Variants in CSMD3 observed in about 807,000 individuals in gnomAD.
CSMD3 encodes the protein CUB and Sushi multiple domains 3, also known as CUB and sushi domain-containing protein 3.
A neutral mutation model predicts 435.2 loss-of-function variants in CSMD3; 177 were observed. The ratio of observed to expected loss-of-function variants is 0.41; its 90% CI spans 0.36 to 0.46. The LOEUF (loss-of-function observed/expected upper bound fraction) is 0.46. Among genes scored for constraint, CSMD3 ranks in the 20% least tolerant of loss-of-function variants. The pLI is 0.34. For missense variants in CSMD3, 4,265 were observed against 4,504.6 expected, an observed-to-expected ratio of 0.95 and a Z score of 1.52; for synonymous variants, 1,656 against 1,520.5, an observed-to-expected ratio of 1.09 and a Z score of -2.07.
At chr8:112,825,160 C>A (rs964369435) in intron 12 of CSMD3, among the ~76,000 whole-genome samples, 3 of 152,136 alleles carry the variant, frequency 2.0e-5, no homozygotes, top group Non-Finnish European at 2.9e-5. Context: ...TCCATCAGGT[C>A]ATTTATATTT....
chr8:112,972,290 A>T (rs2084686773), intron 7 of CSMD3, among the ~76,000 whole-genome samples: 1 of 151,984 alleles, frequency 6.6e-6, no homozygotes, highest in Non-Finnish European at 1.5e-5. Context: ...AATAGCATGA[A>T]CTTGCAGACA....
chr8:113,309,542 T>C (rs1368772357), intron 2 of CSMD3: 1 of 152,218 alleles, frequency 6.6e-6, no homozygotes, highest in Non-Finnish European at 1.5e-5. Flanking sequence ...ACACTTACAC[T>C]TACATTTGAT....
At chr8:113,389,152 C>T (rs1010560093) in intron 1 of CSMD3, among the ~76,000 whole-genome samples, 12 of 151,516 alleles carry the variant, frequency 7.9e-5, no homozygotes, top group African/African-American at 1.7e-4. Context: ...GTGGCTAATT[C>T]CCACTGTTAA....
In CSMD3 at chr8:113,111,359, C is replaced by G. The variant is rs115882317; in HGVS notation, c.710-12396G>C. 8.6e-3 allele frequency among the ~76,000 whole-genome samples: 1,311 copies of G among 152,200 alleles called. 16 individuals are homozygous for G. Among genetic ancestry groups the G allele is most frequent in the African/African-American group, 0.03 (1,243 of 41,510 alleles). ...TTATTTATCATTTTTGGAGATGAGA[C>G]ATTTGAAATTTACTATGACTTATTT... On this transcript the variant is annotated intron_variant, in intron 4 of 70. Transcript: ENST00000297405.
chr8:112,646,519 T>C (rs760196047), intron 19 of CSMD3, among the ~76,000 whole-genome samples: 1 of 152,132 alleles, frequency 6.6e-6, no homozygotes, highest in African/African-American at 2.4e-5. Context: ...TTCTTGGGAA[T>C]TTTTTTGTCT....
At chr8:112,452,488 C>A (rs1022637169) in intron 32 of CSMD3, among the ~76,000 whole-genome samples, 1 of 152,044 alleles carries the variant, frequency 6.6e-6, no homozygotes, top group African/African-American at 2.4e-5. Flanking sequence ...TAGTAAAGTT[C>A]TGTGATTAAG....
intron 28 of CSMD3, among the ~76,000 whole-genome samples, chr8:112,511,759 C>A (rs1823169006): frequency 6.6e-6 from 1 of 152,088 alleles, no homozygotes; most frequent in African/African-American, 2.4e-5. Flanking sequence ...GCATGTGATG[C>A]TATTTGATTG....
chr8:113,019,728 T>C (rs1344116146), intron 5 of CSMD3, among the ~76,000 whole-genome samples: 1 of 152,044 alleles, frequency 6.6e-6, no homozygotes, highest in Non-Finnish European at 1.5e-5. Flanking sequence ...ACAGTTATTT[T>C]CTTATACTCC....
chr8:112,515,417 T>G (rs1328966941), intron 28 of CSMD3, among the ~76,000 whole-genome samples: 1 of 152,144 alleles, frequency 6.6e-6, no homozygotes, highest in Non-Finnish European at 1.5e-5. Flanking sequence ...TGAAAATTTT[T>G]TGGTTAATTG....
intron 3 of CSMD3, among the ~76,000 whole-genome samples, chr8:113,230,404 T>C (rs1282866189): frequency 1.3e-5 from 2 of 151,666 alleles, no homozygotes; most frequent in Non-Finnish European, 3.0e-5. Flanking sequence ...AATTAAATAT[T>C]CTTGTATAAT....
At chr8:112,333,077 G>C (rs1033356879) in intron 45 of CSMD3, among the ~76,000 whole-genome samples, 1 of 152,088 alleles carries the variant, frequency 6.6e-6, no homozygotes, top group Non-Finnish European at 1.5e-5. Context: ...TTACAGCTGA[G>C]GAAAGTAGAG....
chr8:113,288,260 T>C (rs1181996613), intron 2 of CSMD3, among the ~76,000 whole-genome samples: 1 of 151,804 alleles, frequency 6.6e-6, no homozygotes, highest in East Asian at 1.9e-4. Context: ...TAAACCACAA[T>C]CTTCTAGAGA....
At chr8:112,681,998 C>A (rs961652979) in intron 16 of CSMD3, among the ~76,000 whole-genome samples, 4 of 151,648 alleles carry the variant, frequency 2.6e-5, no homozygotes, top group African/African-American at 7.3e-5. Flanking sequence ...CTTCAGAAAT[C>A]ATATATTTTA....
At chr8:112,849,343 G>A (rs2080418975) in intron 11 of CSMD3, among the ~76,000 whole-genome samples, 1 of 151,934 alleles carries the variant, frequency 6.6e-6, no homozygotes, top group Admixed American at 6.6e-5. Context: ...AAAGAGAGCA[G>A]GGGGTGGTCA....
intron 10 of CSMD3, among the ~76,000 whole-genome samples, chr8:112,921,090 A>G (rs1252858605): frequency 1.3e-5 from 2 of 151,620 alleles, no homozygotes; most frequent in Non-Finnish European, 2.9e-5. Context: ...TATATCTTAC[A>G]TATATATACA....
At chr8:112,231,520 G>T (rs780822580) in intron 69 of CSMD3, 25 bp downstream of exon 69, 15 of 1,384,062 alleles carry the variant, frequency 1.1e-5, no homozygotes, top group African/African-American at 1.4e-5. Flanking sequence ...ACAGAAGTTC[G>T]TGAAAATCAA....
chr8:112,485,468 C>G (rs995612997), intron 31 of CSMD3, among the ~76,000 whole-genome samples: 4 of 152,008 alleles, frequency 2.6e-5, no homozygotes, highest in African/African-American at 4.8e-5. Context: ...ATTAGATAAT[C>G]TCTATATGCA....
At chr8:112,831,359 T>C (rs745701375) in intron 11 of CSMD3, among the ~76,000 whole-genome samples, 1 of 151,048 alleles carries the variant, frequency 6.6e-6, no homozygotes, top group Non-Finnish European at 1.5e-5. Context: ...AGCAACATGG[T>C]CATGAGCAGT....
At chr8:112,476,142 T>G (rs144320993) in intron 31 of CSMD3, among the ~76,000 whole-genome samples, 2,645 of 152,176 alleles carry the variant, frequency 0.017, 79 homozygotes, top group African/African-American at 0.06. Flanking sequence ...ACCTCCCAGG[T>G]TCAAGAGATT....
Sources: gnomAD v4.1 joint callset for allele counts (sites outside exome capture counted in the v4.1 genomes callset) on GRCh38, gnomAD v4.1.1 for gene constraint, MANE v1.5 for transcripts, NCBI Gene and HGNC (gene_info 2026-07-23, HGNC 2026-07-21) for gene names.